Variants in C1orf159 observed in about 807,000 individuals in gnomAD.
The protein encoded by C1orf159 is uncharacterized protein C1orf159.
A neutral mutation model predicts 25.6 loss-of-function variants in C1orf159; 19 were observed. The ratio of observed to expected loss-of-function variants is 0.74; its 90% confidence interval spans 0.52 to 1.09. C1orf159 has a LOEUF of 1.09. Among genes scored for constraint, C1orf159 ranks in the 50% least tolerant of loss-of-function variants. C1orf159 has a pLI of 0.00. For synonymous variants in C1orf159, 139 were observed against 124.7 expected, an observed-to-expected ratio of 1.12 and a Z score of -0.77; for missense variants, 274 against 290.6, an observed-to-expected ratio of 0.94 and a Z score of 0.42.
intron 9 of C1orf159, chr1:1,083,509 G>A (rs1330564341): frequency 1.7e-5 from 4 of 239,000 alleles, no homozygotes; most frequent in Admixed American, 5.1e-5. Context: ...GGACAGAGAC[G>A]GGCAACGCAG....
intron 1 of C1orf159, among the ~76,000 whole-genome samples, chr1:1,104,154 A>C (rs111420185): frequency 0.032 from 4,862 of 151,902 alleles, 237 homozygotes; most frequent in African/African-American, 0.11. Context: ...CACCTGGCTA[A>C]TTTTTTGTAT....
intron 1 of C1orf159, among the ~76,000 whole-genome samples, chr1:1,095,303 C>T (rs1329410429): frequency 6.6e-6 from 1 of 152,228 alleles, no homozygotes; most frequent in Non-Finnish European, 1.5e-5. Flanking sequence ...TGAGTCTTTT[C>T]ATCACGGACA....
intron 1 of C1orf159, among the ~76,000 whole-genome samples, chr1:1,094,938 C>T (rs557106949): frequency 2.6e-5 from 4 of 152,284 alleles, no homozygotes; most frequent in African/African-American, 4.8e-5. Context: ...GCAGGTCAAG[C>T]GTCATTTCTT....
At position 1,089,666 on chromosome 1, in the gene C1orf159, C is replaced by T. The variant is rs1448280424; in HGVS notation, c.148+687G>A. Among the ~76,000 whole-genome samples, 1 of 152,152 alleles carries T rather than the reference C, an allele frequency of 6.6e-6. No homozygotes were observed. The highest frequency in any genetic ancestry group is 1.5e-5 in the Non-Finnish European group (1 of 68,018). On this transcript the variant is annotated intron_variant, in intron 4 of 9. Coordinates refer to ENST00000421241, the MANE Select transcript of C1orf159 (RefSeq NM_017891.5). The surrounding 1 kb of genome is among the most constrained non-coding windows in gnomAD (Gnocchi z 7.5). ...TCTTCCATCATGGGAGGGCTGGACC[C>T]CCAGGATGGGAGTGCCAAGGCCCTT... is the stretch of plus-strand genomic sequence containing the variant.
intron 1 of C1orf159, among the ~76,000 whole-genome samples, chr1:1,101,094 G>A (rs1248561901): frequency 6.6e-6 from 1 of 152,096 alleles, no homozygotes; most frequent in African/African-American, 2.4e-5. Context: ...TCCTTTTTCT[G>A]AAAATATTTT....
intron 1 of C1orf159, among the ~76,000 whole-genome samples, chr1:1,109,367 C>G (rs1193191969): frequency 1.3e-5 from 2 of 152,084 alleles, no homozygotes; most frequent in African/African-American, 4.8e-5. Context: ...TTGCCAGGGG[C>G]TGGGGGGCAG....
intron 1 of C1orf159, among the ~76,000 whole-genome samples, chr1:1,112,879 CA>C (rs1646281547): frequency 6.6e-6 from 1 of 152,248 alleles, no homozygotes; most frequent in African/African-American, 2.4e-5. Context: ...GCTTCTTCAA[CA>C]ACTTTCACTC....
At chr1:1,085,830 C>T (rs777743125) in intron 7 of C1orf159, 48 bp downstream of exon 7, 96 of 1,606,124 alleles carry the variant, frequency 6.0e-5, no homozygotes, top group Non-Finnish European at 7.4e-5. Flanking sequence ...GGCTGGATGC[C>T]GCCTGCCCTG....
At chr1:1,105,691 C>A (rs1442724077) in intron 1 of C1orf159, among the ~76,000 whole-genome samples, 1 of 151,958 alleles carries the variant, frequency 6.6e-6, no homozygotes, top group Non-Finnish European at 1.5e-5. Flanking sequence ...ACCATCCTGG[C>A]TAACATGGTG....
intron 1 of C1orf159, among the ~76,000 whole-genome samples, chr1:1,113,772 C>A (rs1260350366): frequency 6.6e-6 from 1 of 152,218 alleles, no homozygotes; most frequent in African/African-American, 2.4e-5. Context: ...GACTTAGGGT[C>A]TTCCACGCTG....
rs1646244233 is a variant in C1orf159 at position 1,110,647 on chromosome 1, GGGATGCAGCCTTCCCCCC to G, written c.-136+5395_-136+5412del. ...CAGAACCGCTGGGACTTCCACACCT[GGGATGCAGCCTTCCCCCC>G]GGGCACGTTCCCAAGAGAAACAACA... is the stretch of plus-strand genomic sequence containing the variant. On this transcript the variant is annotated intron_variant, in intron 1 of 9. Transcript: ENST00000421241. This position sits in a 1 kb window ranked among gnomAD's most constrained non-coding sequence, Gnocchi z 4.8. Among the ~76,000 whole-genome samples the G allele has an allele frequency of 6.6e-6, 1 of 151,480 alleles. No homozygotes were observed. Among genetic ancestry groups the G allele is most frequent in the South Asian group, 2.1e-4 (1 of 4,820 alleles).
chr1:1,085,812 A>G, intron 7 of C1orf159, 66 bp downstream of exon 7: 1 of 1,583,210 alleles, frequency 6.3e-7, no homozygotes, highest in Non-Finnish European at 8.6e-7. Flanking sequence ...TCTCAGGCCC[A>G]TCTCCACGGC....
intron 1 of C1orf159, among the ~76,000 whole-genome samples, chr1:1,105,180 C>T (rs1346909447): frequency 6.6e-6 from 1 of 152,214 alleles, no homozygotes; most frequent in African/African-American, 2.4e-5. Context: ...CAAATATGTT[C>T]AGTATGTCTG....
Position 1,084,503 on chromosome 1 carries a change from G to A in C1orf159, c.449C>T (p.Pro150Leu), listed in dbSNP as rs201228241. Residue 150 changes from proline (P) to leucine (L), a missense_variant, in exon 8 of 10, where the codon CCG becomes CTG. Pro to Leu is a moderately conservative substitution (Grantham distance 98). Transcript: ENST00000421241. ...TACGGCTTCGCCAGGCTGCAGGGCC[G>A]GAGCTGTGGGGGAGAAAGCGGAGAG... ...PRACYRRNKA[P>L]ALQPGEAAAM... 2.3e-5 allele frequency: 36 copies of A among 1,554,054 alleles called. No individual in the cohort carries two copies. The East Asian group carries it at 4.8e-4, about 21-fold the overall frequency.
At chr1:1,090,142 T>C (rs1182197494) in intron 4 of C1orf159, among the ~76,000 whole-genome samples, 1 of 152,106 alleles carries the variant, frequency 6.6e-6, no homozygotes, top group African/African-American at 2.4e-5. Context: ...GCTGGGCCAG[T>C]CTTCTCATGA....
chr1:1,109,902 T>C (rs1646234439), intron 1 of C1orf159, among the ~76,000 whole-genome samples: 1 of 152,166 alleles, frequency 6.6e-6, no homozygotes, highest in Admixed American at 6.5e-5. Flanking sequence ...TGGCCAGTGG[T>C]GTCTTATCAG....
chr1:1,094,557 C>T (rs183712473), intron 1 of C1orf159, among the ~76,000 whole-genome samples: 7 of 152,152 alleles, frequency 4.6e-5, no homozygotes, highest in African/African-American at 9.6e-5. Context: ...CCCGCCACCA[C>T]GCCCGGCTAA....
At chr1:1,097,817 A>G (rs1055150063) in intron 1 of C1orf159, among the ~76,000 whole-genome samples, 1 of 151,816 alleles carries the variant, frequency 6.6e-6, no homozygotes, top group Non-Finnish European at 1.5e-5. Flanking sequence ...GATATTGTTA[A>G]GTTTCTCCAT....
chr1:1,093,087 G>A (rs1425237864), intron 1 of C1orf159, among the ~76,000 whole-genome samples: 1 of 151,860 alleles, frequency 6.6e-6, no homozygotes, highest in Non-Finnish European at 1.5e-5. Flanking sequence ...TCTCTGATGT[G>A]AAATCCTTTC....
Sources: allele counts gnomAD v4.1 joint callset (sites outside exome capture counted in the v4.1 genomes callset), GRCh38; gene constraint gnomAD v4.1.1; non-coding constraint Gnocchi (gnomAD v3.1); transcripts MANE v1.5; gene names NCBI Gene and HGNC (gene_info 2026-07-23, HGNC 2026-07-21).